GREM2: variants seen among roughly 807,000 people sequenced by gnomAD.
The protein encoded by GREM2 is gremlin 2, DAN family BMP antagonist, also known as gremlin-2.
A neutral mutation model predicts 14.2 loss-of-function variants in GREM2; 11 were observed. That is an observed-to-expected ratio of 0.78 (90% CI 0.49 to 1.28). The LOEUF is 1.28. Ranked by LOEUF, GREM2 falls within the 50% of genes most tolerant of loss-of-function variation. The pLI is 0.00. For missense variants in GREM2, 210 were observed against 218.5 expected (o/e 0.96, Z 0.24); for synonymous variants, 98 against 97.6 (o/e 1.00, Z -0.02).
intron 1 of GREM2, among the ~76,000 whole-genome samples, chr1:240,555,281 C>T (rs186009041): frequency 6.6e-6 from 1 of 152,128 alleles, no homozygotes; most frequent in African/African-American, 2.4e-5. Context: ...AATTAAATGA[C>T]CTTGAGGAAG....
chr1:240,514,959 CAA>C (rs1558144965), intron 1 of GREM2, among the ~76,000 whole-genome samples: 10 of 86,890 alleles, frequency 1.2e-4, no homozygotes, highest in African/African-American at 2.8e-4. Flanking sequence ...AACAAACAAA[CAA>C]ACACAAAAAA....
At chr1:240,520,576 C>A (rs1489562812) in intron 1 of GREM2, among the ~76,000 whole-genome samples, 1 of 152,006 alleles carries the variant, frequency 6.6e-6, no homozygotes, top group Non-Finnish European at 1.5e-5. Flanking sequence ...CAGAGTCTTA[C>A]TCATTGCCCA....
intron 1 of GREM2, among the ~76,000 whole-genome samples, chr1:240,521,433 T>A (rs937389023): frequency 4.0e-5 from 6 of 151,178 alleles, no homozygotes; most frequent in Non-Finnish European, 5.9e-5. Context: ...TAGCCGGGCA[T>A]GGTGAGGGGC....
chr1:240,515,205 T>C (rs897807826), intron 1 of GREM2, among the ~76,000 whole-genome samples: 32 of 152,314 alleles, frequency 2.1e-4, no homozygotes, highest in Non-Finnish European at 4.0e-4. Context: ...TGTGCAATTG[T>C]GCCATTAAGC....
At chr1:240,601,877 C>A (rs759658933) in intron 1 of GREM2, among the ~76,000 whole-genome samples, 1 of 146,632 alleles carries the variant, frequency 6.8e-6, no homozygotes, top group Admixed American at 6.9e-5. Flanking sequence ...TGCACCATTG[C>A]ACTCCAGCCT....
At chr1:240,551,758 C>CT (rs1572395264) in intron 1 of GREM2, among the ~76,000 whole-genome samples, 1 of 151,344 alleles carries the variant, frequency 6.6e-6, no homozygotes, top group East Asian at 1.9e-4. Context: ...TATTTTCTTT[C>CT]TTTTTGCCTT....
At chr1:240,549,079 G>A (rs543613826) in intron 1 of GREM2, among the ~76,000 whole-genome samples, 1 of 152,244 alleles carries the variant, frequency 6.6e-6, no homozygotes, top group Admixed American at 6.5e-5. Flanking sequence ...GATCATGCCT[G>A]TAATCCAGCA....
intron 1 of GREM2, among the ~76,000 whole-genome samples, chr1:240,586,621 C>G (rs1679604150): frequency 6.6e-6 from 1 of 152,168 alleles, no homozygotes. Context: ...CTCCCAACCC[C>G]AACAGAAATC....
rs1210028801 is a variant in GREM2, at chr1:240,540,711, C to T, written c.-1-47235G>A. Among the ~76,000 whole-genome samples, 2 of 151,982 alleles carry T rather than the reference C, an allele frequency of 1.3e-5. No homozygotes were observed. The highest frequency in any genetic ancestry group is 4.8e-5 in the African/African-American group (2 of 41,368). On this transcript the variant is annotated intron_variant, in intron 1 of 1. Transcript: ENST00000318160. The surrounding 1 kb of genome is among the most constrained non-coding windows in gnomAD (Gnocchi z 4.2). The stretch of plus-strand genomic sequence containing the variant: ...CTGAGTAGCTGGGACTACAGGCATG[C>T]ATCACCACGCCCAGCTAATTTTTGT...
intron 1 of GREM2, among the ~76,000 whole-genome samples, chr1:240,592,732 T>C (rs955486931): frequency 2.0e-5 from 3 of 152,120 alleles, no homozygotes; most frequent in East Asian, 3.9e-4. Flanking sequence ...CCCTTACACA[T>C]TGGTGTTACA....
chr1:240,522,372 C>A (rs1663656200), intron 1 of GREM2, among the ~76,000 whole-genome samples: 1 of 152,040 alleles, frequency 6.6e-6, no homozygotes. Context: ...AATGCTTTAC[C>A]TTGGCAAAGC....
At chr1:240,601,358 C>G (rs563933682) in intron 1 of GREM2, among the ~76,000 whole-genome samples, 1 of 152,252 alleles carries the variant, frequency 6.6e-6, no homozygotes, top group South Asian at 2.1e-4. Context: ...TGTTTGACTA[C>G]CCACCCAACA....
At chr1:240,530,079 A>C (rs1433293403) in intron 1 of GREM2, among the ~76,000 whole-genome samples, 2 of 152,164 alleles carry the variant, frequency 1.3e-5, no homozygotes, top group African/African-American at 4.8e-5. Flanking sequence ...CGGTTTTTCA[A>C]GAAAAGGTAG....
chr1:240,586,200 TAG>T (rs1349751910), intron 1 of GREM2, among the ~76,000 whole-genome samples: 2 of 152,200 alleles, frequency 1.3e-5, no homozygotes, highest in Non-Finnish European at 2.9e-5. Flanking sequence ...CTCCGGAGGA[TAG>T]AGTTACTTTC....
intron 1 of GREM2, among the ~76,000 whole-genome samples, chr1:240,564,695 G>A (rs940298600): frequency 6.6e-6 from 1 of 152,064 alleles, no homozygotes; most frequent in Non-Finnish European, 1.5e-5. Flanking sequence ...ATATATGCAC[G>A]AGGTCATATG....
At chr1:240,591,855 G>A (rs1008751202) in intron 1 of GREM2, among the ~76,000 whole-genome samples, 2 of 149,692 alleles carry the variant, frequency 1.3e-5, no homozygotes, top group Non-Finnish European at 3.0e-5. Context: ...TTGCTACAAG[G>A]TATGGAGCTG....
chr1:240,515,003 G>A (rs985679092), intron 1 of GREM2, among the ~76,000 whole-genome samples: 6 of 152,100 alleles, frequency 3.9e-5, no homozygotes, highest in Admixed American at 1.3e-4. Flanking sequence ...TACTTTAACG[G>A]GAACACTTTC....
chr1:240,495,806 C>G (rs1466473979), intron 1 of GREM2, among the ~76,000 whole-genome samples: 1 of 152,130 alleles, frequency 6.6e-6, no homozygotes, highest in Non-Finnish European at 1.5e-5. Flanking sequence ...CCACAAGAGG[C>G]CTTTGCATGC....
chr1:240,592,532 C>G (rs1225294585), intron 1 of GREM2, among the ~76,000 whole-genome samples: 3 of 152,248 alleles, frequency 2.0e-5, no homozygotes, highest in Middle Eastern at 3.4e-3. Context: ...TCTTTCTTGA[C>G]AGATTCCTTG....
Sources: allele counts gnomAD v4.1 joint callset (sites outside exome capture counted in the v4.1 genomes callset), GRCh38; gene constraint gnomAD v4.1.1; non-coding constraint Gnocchi (gnomAD v3.1); transcripts MANE v1.5; gene names NCBI Gene and HGNC (gene_info 2026-07-23, HGNC 2026-07-21).